CDC23: variants seen among roughly 807,000 people sequenced by gnomAD.
CDC23 encodes the protein cell division cycle protein 23 homolog.
CDC23 carries 26 observed loss-of-function variants against 81.7 expected under a neutral mutation model. That is an observed-to-expected ratio of 0.32 (90% confidence interval 0.23 to 0.44). The LOEUF is 0.44. Among genes scored for constraint, CDC23 ranks in the 20% least tolerant of loss-of-function variants. The pLI is 1.00. For missense variants in CDC23, 519 were observed against 728.0 expected, an observed-to-expected ratio of 0.71 and a Z score of 3.30; for synonymous variants, 267 against 270.8, an observed-to-expected ratio of 0.99 and a Z score of 0.14.
chr5:138,206,428 T>C (rs772836492), intron 3 of CDC23, 119 bp downstream of exon 3: 3 of 961,418 alleles, frequency 3.1e-6, no homozygotes, highest in East Asian at 2.4e-5. Context: ...TATTGCTATG[T>C]ATAAAGTACA....
At chr5:138,191,031 A>T (rs1754821286) in intron 13 of CDC23, among the ~76,000 whole-genome samples, 1 of 152,228 alleles carries the variant, frequency 6.6e-6, no homozygotes, top group Non-Finnish European at 1.5e-5. Context: ...TGACACAAAA[A>T]TGTTATCCTT....
intron 15 of CDC23, among the ~76,000 whole-genome samples, chr5:138,189,370 T>A (rs1754798438): frequency 6.6e-6 from 1 of 151,588 alleles, no homozygotes; most frequent in African/African-American, 2.4e-5. Flanking sequence ...CAAGTGATCC[T>A]CTCACCTCAG....
At chr5:138,195,708 CATATAAT>C (rs1240498513) in intron 9 of CDC23, among the ~76,000 whole-genome samples, 218 of 59,086 alleles carry the variant, frequency 3.7e-3, no homozygotes, top group African/African-American at 0.011. Flanking sequence ...TGCATATATA[CATATAAT>C]ATATATGTAT....
intron 3 of CDC23, 132 bp downstream of exon 3, chr5:138,206,415 T>A (rs1755049912): frequency 4.7e-6 from 4 of 848,818 alleles, no homozygotes; most frequent in Non-Finnish European, 7.8e-6. Context: ...ATCTTTTTTT[T>A]ATTATTGCTA....
At chr5:138,196,231 T>C (rs1448163947) in intron 9 of CDC23, among the ~76,000 whole-genome samples, 1 of 151,958 alleles carries the variant, frequency 6.6e-6, no homozygotes, top group Admixed American at 6.6e-5. Flanking sequence ...GGAGTTCACC[T>C]CGAATGATTA....
Position 138,201,164 on chromosome 5 carries a change from C to A in CDC23, c.597G>T (p.Leu199Phe). 3 of 1,614,168 alleles carry A rather than the reference C, an allele frequency of 1.9e-6. No homozygotes were observed. The South Asian group carries it at 3.3e-5, about 18-fold the overall frequency. The change falls in exon 6 of 16, where the codon TTG (leucine) becomes TTT (phenylalanine). Residue 199 changes from leucine to phenylalanine, a missense_variant. Transcript: ENST00000394886. ...CTAACCAGGCTCCCCAATGCAAGGG[C>A]AAAACATGAGTAGCTTCCACAAACA... ...IDVFVEATHV[L>F]PLHWGAWLEL...
intron 3 of CDC23, chr5:138,206,168 CTTTTTAATAGCCA>C: frequency 3.4e-6 from 1 of 293,738 alleles, no homozygotes; most frequent in East Asian, 6.1e-5. Flanking sequence ...TACAGTCATA[CTTTTTAATAGCCA>C]TGAAAGAAAA....
At chr5:138,200,422 G>A (rs1188216428) in intron 6 of CDC23, among the ~76,000 whole-genome samples, 2 of 151,856 alleles carry the variant, frequency 1.3e-5, no homozygotes, top group Non-Finnish European at 2.9e-5. Flanking sequence ...ATGAGCCACC[G>A]TGCCTGGCCA....
chr5:138,205,119 C>T (rs114974142), intron 3 of CDC23, among the ~76,000 whole-genome samples: 43 of 152,012 alleles, frequency 2.8e-4, no homozygotes, highest in African/African-American at 9.6e-4. Context: ...TTCACCATGC[C>T]GCCCGGGCTT....
chr5:138,192,650 A>G lies in CDC23; in HGVS notation c.1020T>C (p.Tyr340=). The change falls in exon 10 of 16, where the codon TAT becomes TAC. Residue 340 remains tyrosine, a synonymous_variant. Coordinates refer to ENST00000394886, the MANE Select transcript of CDC23 (RefSeq NM_004661.4). ...RVETCCVIGN[Y]YSLRSQHEKA... is the part of the protein sequence containing the mutation. ...TCTCATGCTGAGAACGTAAACTGTA[A>G]TAATTGCCTGATTAAAAATCAAACA... The G allele has an allele frequency of 6.2e-7, 1 of 1,600,842 alleles. No individual in the cohort carries two copies.
intron 3 of CDC23, 108 bp downstream of exon 3, chr5:138,206,438 AT>A: frequency 9.5e-7 from 1 of 1,052,300 alleles, no homozygotes; most frequent in Non-Finnish European, 1.5e-6. Flanking sequence ...TATAAAGTAC[AT>A]TCATTCAGTG....
Position 138,201,510 on chromosome 5 carries a change from A to T in CDC23, c.416-62T>A, listed in dbSNP as rs546408386. 4 of 1,081,882 alleles carry T rather than the reference A, an allele frequency of 3.7e-6. No homozygotes were observed. The African/African-American group carries it at 4.9e-5, about 13-fold the overall frequency. The allele number at this position is 1,081,882 out of a possible 1,614,324, so 67.0% of individuals were successfully genotyped here. A position where few individuals can be genotyped will look rare whatever the true frequency, so the allele number is the denominator to read the frequency against. ...ATGCTGGTTTTCATTTTCTTATTTT[A>T]TTTATTTATTTATTTTTCTAGAGAC... On this transcript the variant is annotated intron_variant, in intron 4 of 15. Coordinates refer to ENST00000394886, the MANE Select transcript of CDC23 (RefSeq NM_004661.4).
chr5:138,206,153 T>C (rs1472445553), intron 3 of CDC23: 4 of 263,818 alleles, frequency 1.5e-5, no homozygotes, highest in Non-Finnish European at 2.1e-5. Context: ...ACTTGCATTG[T>C]CCTTTACAGT....
intron 3 of CDC23, chr5:138,206,331 G>A: frequency 1.7e-6 from 1 of 596,832 alleles, no homozygotes; most frequent in Non-Finnish European, 3.0e-6. Flanking sequence ...TAAATAATCA[G>A]GTTGTTACTT....
intron 3 of CDC23, among the ~76,000 whole-genome samples, chr5:138,203,777 G>A (rs2906127): frequency 0.29 from 44,720 of 151,852 alleles, 7,524 homozygotes; most frequent in South Asian, 0.43. Flanking sequence ...GCCGGGCATG[G>A]TAGTGAGCAC....
rs755957942 is a variant in CDC23 at position 138,188,730 on chromosome 5, A to G, written c.*248T>C. The G allele has an allele frequency of 3.4e-5, 11 of 320,218 alleles. No individual in the cohort carries two copies. Among genetic ancestry groups the G allele is most frequent in the Non-Finnish European group, 5.1e-5 (9 of 176,998 alleles). 19.8% of individuals were successfully genotyped at this position (320,218 alleles called of 1,614,324 possible). A position where few individuals can be genotyped will look rare whatever the true frequency, so the allele number is the denominator to read the frequency against. Reference sequence around the variant, plus strand: ...AAAAAAGCATTCAGGGAAGAAGGCCAAGATCTATAGCCACTCTTTGGACAT... The same window carrying G: ...AAAAAAGCATTCAGGGAAGAAGGCCGAGATCTATAGCCACTCTTTGGACAT... On this transcript the variant is annotated 3_prime_UTR_variant, in exon 16 of 16. Coordinates refer to ENST00000394886, the MANE Select transcript of CDC23 (RefSeq NM_004661.4).
chr5:138,198,742 A>C lies in CDC23; in HGVS notation c.695T>G (p.Phe232Cys). Residue 232 changes from phenylalanine to cysteine, a missense_variant, in exon 7 of 16, where the codon TTT becomes TGT. By Grantham distance (205) the Phe-to-Cys change is radical. Transcript: ENST00000394886. ...LSLPDTWMKE[F>C]FLAHIYTELQ... ...CTCTGTGTATATATGAGCCAGAAAA[A>C]ACTCTTTCATCCAGGTGTCTGGCAA... The C allele has an allele frequency of 6.2e-7, 1 of 1,614,100 alleles. No individual in the cohort carries two copies. Among genetic ancestry groups the C allele is most frequent in the Non-Finnish European group, 8.5e-7 (1 of 1,180,016 alleles).
intron 9 of CDC23, among the ~76,000 whole-genome samples, chr5:138,195,766 ATATATGTG>A (rs1754895328): frequency 1.0e-5 from 1 of 99,446 alleles, no homozygotes; most frequent in Admixed American, 1.4e-4. Context: ...TACATATATT[ATATATGTG>A]TATATATACA....
At chr5:138,202,179 G>C in intron 3 of CDC23, 24 bp from the exon 4 acceptor site, 16 of 1,586,338 alleles carry the variant, frequency 1.0e-5, no homozygotes, top group Non-Finnish European at 1.4e-5. Context: ...TCAACAAATA[G>C]GTCTTTTTTC....
Sources: gnomAD v4.1 joint callset for allele counts (sites outside exome capture counted in the v4.1 genomes callset) on GRCh38, gnomAD v4.1.1 for gene constraint, MANE v1.5 for transcripts, NCBI Gene and HGNC (gene_info 2026-07-23, HGNC 2026-07-21) for gene names.